Variants in RBPMS observed in about 807,000 individuals in gnomAD.
RBPMS encodes RNA-binding protein with multiple splicing.
Under a neutral mutation model 26.8 loss-of-function variants are expected in RBPMS, and 7 were observed. The observed-to-expected ratio is 0.26, with a 90% CI of 0.15 to 0.49. The LOEUF (loss-of-function observed/expected upper bound fraction) is 0.49. Ranked by LOEUF, RBPMS falls within the 20% of genes least tolerant of loss-of-function variation. The pLI is 0.98. For missense variants in RBPMS, 186 were observed against 250.0 expected (o/e 0.74, Z 1.73); for synonymous variants, 96 against 93.3 (o/e 1.03, Z -0.17).
intron 6 of RBPMS, 130 bp downstream of exon 6, chr8:30,544,754 C>G (rs756220985): frequency 1.9e-5 from 30 of 1,598,888 alleles, no homozygotes; most frequent in Non-Finnish European, 2.1e-5. Context: ...ATTAATGATC[C>G]CCTCTAAATC....
chr8:30,533,287 C>T (rs1824429341), intron 5 of RBPMS, among the ~76,000 whole-genome samples: 1 of 152,160 alleles, frequency 6.6e-6, no homozygotes, highest in South Asian at 2.1e-4. Flanking sequence ...TAGCCTGCCT[C>T]TGAAAGCAAG....
chr8:30,507,652 G>T (rs1177926151), intron 5 of RBPMS, among the ~76,000 whole-genome samples: 1 of 152,154 alleles, frequency 6.6e-6, no homozygotes, highest in Non-Finnish European at 1.5e-5. Context: ...AGTTGGAAAA[G>T]ATCTGTGAGA....
chr8:30,544,230 CAG>C (rs1346869417), intron 5 of RBPMS, among the ~76,000 whole-genome samples: 3 of 150,250 alleles, frequency 2.0e-5, no homozygotes, highest in African/African-American at 5.0e-5. Flanking sequence ...GGAAAGACAT[CAG>C]AGTGTTCAAG....
At chr8:30,542,354 A>C (rs970542232) in intron 5 of RBPMS, among the ~76,000 whole-genome samples, 5 of 152,370 alleles carry the variant, frequency 3.3e-5, no homozygotes, top group African/African-American at 1.2e-4. Context: ...ATCTGATTCC[A>C]GCTTATCTCT....
intron 1 of RBPMS, 141 bp from the exon 2 acceptor site, chr8:30,474,638 G>A: frequency 1.7e-6 from 1 of 599,938 alleles, no homozygotes; most frequent in Non-Finnish European, 3.0e-6. Context: ...TAACAGTGAA[G>A]TATTCGTTGT....
At chr8:30,385,192 C>A in intron 1 of RBPMS, 34 bp downstream of exon 1, 1 of 1,428,480 alleles carries the variant, frequency 7.0e-7, no homozygotes, top group South Asian at 1.5e-5. Context: ...GCGGGGGCGA[C>A]GCGGGACCCA....
At chr8:30,444,166 G>T (rs1813464424) in intron 1 of RBPMS, among the ~76,000 whole-genome samples, 1 of 152,152 alleles carries the variant, frequency 6.6e-6, no homozygotes, top group African/African-American at 2.4e-5. Flanking sequence ...AAATTGCTGG[G>T]ATTACAGGTG....
rs1825713662 is a variant in RBPMS, at chr8:30,544,637, C to T, written c.528+13C>T. 1 of 1,613,698 alleles carries T rather than the reference C, an allele frequency of 6.2e-7. No homozygotes were observed. ...ACTGCATGCCCAGGTAATTGATACCCATCGGCCAGGACTTCACTCACTTCA... is the reference window on the plus strand; with the variant it reads ...ACTGCATGCCCAGGTAATTGATACCTATCGGCCAGGACTTCACTCACTTCA... On this transcript the variant is annotated intron_variant, in intron 6 of 8. Coordinates refer to ENST00000397323, the MANE Select transcript of RBPMS (RefSeq NM_001008710.3).
chr8:30,569,533 ACTGCG>A (rs2151099036), intron 8 of RBPMS, among the ~76,000 whole-genome samples: 1 of 152,300 alleles, frequency 6.6e-6, no homozygotes, highest in African/African-American at 2.4e-5. Flanking sequence ...CTGAAAGTAG[ACTGCG>A]GCCAGGCTTT....
intron 1 of RBPMS, among the ~76,000 whole-genome samples, chr8:30,466,826 G>A (rs932706960): frequency 3.3e-5 from 5 of 151,988 alleles, no homozygotes; most frequent in African/African-American, 9.6e-5. Context: ...ATTTCCTGAC[G>A]TCAGGTGATC....
chr8:30,385,204 TGCGG>T, intron 1 of RBPMS, 46 bp downstream of exon 1: 1 of 1,363,102 alleles, frequency 7.3e-7, no homozygotes, highest in Non-Finnish European at 9.6e-7. Flanking sequence ...CGGGACCCAG[TGCGG>T]GCGGCCGGCG....
At chr8:30,519,440 A>G (rs1056912387) in intron 5 of RBPMS, among the ~76,000 whole-genome samples, 1 of 136,554 alleles carries the variant, frequency 7.3e-6, no homozygotes, top group African/African-American at 2.7e-5. Context: ...CTCTCACCCT[A>G]CGTGGGAGGA....
intron 5 of RBPMS, among the ~76,000 whole-genome samples, chr8:30,521,483 A>T (rs1322006394): frequency 2.0e-5 from 3 of 152,248 alleles, no homozygotes; most frequent in Admixed American, 2.0e-4. Flanking sequence ...AACTTTGTCA[A>T]CAAAGATGGT....
At chr8:30,555,796 G>A in intron 6 of RBPMS, 1 of 771,284 alleles carries the variant, frequency 1.3e-6, no homozygotes, top group Non-Finnish European at 1.6e-6. Context: ...TATGGGATGG[G>A]CAGGAGTGAC....
At chr8:30,450,905 G>C (rs1252049266) in intron 1 of RBPMS, among the ~76,000 whole-genome samples, 1 of 151,646 alleles carries the variant, frequency 6.6e-6, no homozygotes, top group African/African-American at 2.4e-5. Flanking sequence ...GGTACTGACT[G>C]ATGAAAGGCA....
At chr8:30,510,650 A>C (rs1231371780) in intron 5 of RBPMS, among the ~76,000 whole-genome samples, 1 of 152,198 alleles carries the variant, frequency 6.6e-6, no homozygotes, top group East Asian at 1.9e-4. Context: ...TGGCACAATC[A>C]TGGCTCCCTG....
At chr8:30,475,919 G>C (rs1216643772) in intron 2 of RBPMS, among the ~76,000 whole-genome samples, 1 of 152,190 alleles carries the variant, frequency 6.6e-6, no homozygotes, top group Non-Finnish European at 1.5e-5. Context: ...GTGGGAGGAA[G>C]TGGGAAAGGA....
intron 6 of RBPMS, chr8:30,555,978 G>A (rs1826866864): frequency 1.1e-5 from 11 of 985,422 alleles, no homozygotes; most frequent in Non-Finnish European, 1.3e-5. Context: ...GCTGTGGTGC[G>A]GGAACCTGGA....
chr8:30,516,145 C>T (rs1194236424), intron 5 of RBPMS, among the ~76,000 whole-genome samples: 1 of 152,068 alleles, frequency 6.6e-6, no homozygotes, highest in African/African-American at 2.4e-5. Flanking sequence ...TTTGGGAGGC[C>T]GAGGAGGGCG....
Sources: gnomAD v4.1 joint callset for allele counts (sites outside exome capture counted in the v4.1 genomes callset) on GRCh38, gnomAD v4.1.1 for gene constraint, MANE v1.5 for transcripts, NCBI Gene and HGNC (gene_info 2026-07-23, HGNC 2026-07-21) for gene names.